PTPRG: variants seen among roughly 807,000 people sequenced by gnomAD.
The protein encoded by PTPRG is receptor-type tyrosine-protein phosphatase gamma.
Under a neutral mutation model 165.3 loss-of-function variants are expected in PTPRG, and 102 were observed. That is an observed-to-expected ratio of 0.62 (90% CI 0.53 to 0.73). The LOEUF is 0.73. Among genes scored for constraint, PTPRG ranks in the 30% least tolerant of loss-of-function variants. The probability of loss-of-function intolerance (pLI) is 0.00; values close to 1 mark genes in which losing one functional copy is unlikely to be tolerated. For missense variants in PTPRG, 1,866 were observed against 1,861.4 expected (o/e 1.00, Z -0.05); for synonymous variants, 675 against 669.5 (o/e 1.01, Z -0.13).
intron 5 of PTPRG, among the ~76,000 whole-genome samples, chr3:62,114,167 C>T (rs997072078): frequency 6.6e-6 from 1 of 152,136 alleles, no homozygotes; most frequent in Non-Finnish European, 1.5e-5. Flanking sequence ...GACATGGTGG[C>T]ACCTGCCTGT....
At chr3:61,717,193 G>T (rs2031846142) in intron 1 of PTPRG, among the ~76,000 whole-genome samples, 1 of 152,006 alleles carries the variant, frequency 6.6e-6, no homozygotes, top group South Asian at 2.1e-4. Context: ...TGCCTTGTGT[G>T]GTTAGTCTCT....
chr3:62,145,472 A>T (rs928617367), intron 6 of PTPRG, among the ~76,000 whole-genome samples: 7 of 152,198 alleles, frequency 4.6e-5, no homozygotes, highest in African/African-American at 1.7e-4. Context: ...ATCACTGCCC[A>T]TGTAGTAAAA....
At chr3:62,198,745 A>G (rs1700028409) in intron 10 of PTPRG, among the ~76,000 whole-genome samples, 1 of 152,264 alleles carries the variant, frequency 6.6e-6, no homozygotes, top group Admixed American at 6.5e-5. Context: ...AGTGACGAAC[A>G]TCAATGATAT....
chr3:62,070,137 C>G (rs1417129983), intron 4 of PTPRG, among the ~76,000 whole-genome samples: 2 of 152,032 alleles, frequency 1.3e-5, no homozygotes, highest in Non-Finnish European at 2.9e-5. Context: ...AATAGATCTT[C>G]TTTTGTTGAA....
At chr3:62,253,952 A>T (rs1011830721) in intron 15 of PTPRG, among the ~76,000 whole-genome samples, 2 of 152,238 alleles carry the variant, frequency 1.3e-5, no homozygotes, top group East Asian at 3.8e-4. Context: ...AGTATAAGAG[A>T]TGCTATTTTC....
intron 16 of PTPRG, among the ~76,000 whole-genome samples, chr3:62,260,366 C>G (rs1448645209): frequency 6.6e-6 from 1 of 152,156 alleles, no homozygotes; most frequent in Non-Finnish European, 1.5e-5. Flanking sequence ...GACAGTAGGT[C>G]TTTAAGTGCT....
intron 3 of PTPRG, among the ~76,000 whole-genome samples, chr3:61,999,021 G>C (rs2041107593): frequency 6.6e-6 from 1 of 152,248 alleles, no homozygotes; most frequent in African/African-American, 2.4e-5. Context: ...TTCCATGGTG[G>C]AAGGGAAGGC....
At chr3:62,028,913 TACTC>T (rs1222680154) in intron 4 of PTPRG, among the ~76,000 whole-genome samples, 2 of 152,214 alleles carry the variant, frequency 1.3e-5, no homozygotes. Context: ...TATGAGTTGA[TACTC>T]ACTGAGAGTC....
chr3:61,582,260 C>T (rs554743603), intron 1 of PTPRG, among the ~76,000 whole-genome samples: 1 of 152,152 alleles, frequency 6.6e-6, no homozygotes, highest in African/African-American at 2.4e-5. Flanking sequence ...TGAGCCACTG[C>T]ACCTGGCCCT....
chr3:62,080,504 T>G (rs980081596), intron 5 of PTPRG, among the ~76,000 whole-genome samples: 2 of 152,272 alleles, frequency 1.3e-5, no homozygotes, highest in Middle Eastern at 3.4e-3. Flanking sequence ...AGCATGCTGC[T>G]TTTCATGCAG....
chr3:61,606,525 A>T (rs930855746), intron 1 of PTPRG, among the ~76,000 whole-genome samples: 3 of 152,270 alleles, frequency 2.0e-5, no homozygotes, highest in African/African-American at 4.8e-5. Flanking sequence ...ATTTCTAAGG[A>T]GAGAAGTTCT....
At chr3:62,058,782 T>G (rs1165987346) in intron 4 of PTPRG, among the ~76,000 whole-genome samples, 1 of 152,174 alleles carries the variant, frequency 6.6e-6, no homozygotes, top group Admixed American at 6.5e-5. Flanking sequence ...AGGCAGTTGT[T>G]GAGTCAAACT....
intron 2 of PTPRG, among the ~76,000 whole-genome samples, chr3:61,965,873 T>G (rs1391974945): frequency 1.3e-5 from 2 of 152,246 alleles, no homozygotes; most frequent in East Asian, 3.8e-4. Flanking sequence ...GTGGTCTGGT[T>G]CTAGGATTCA....
In PTPRG at chr3:62,275,795, G is replaced by T. The variant is rs930995863; in HGVS notation, c.3466-78G>T. On this transcript the variant is annotated intron_variant, in intron 23 of 29. Coordinates refer to ENST00000474889, the MANE Select transcript of PTPRG (RefSeq NM_002841.4). ...GGTCTTGTTTATCAGTAATCTGATT[G>T]GGATTTTTGCCAAAGCATCAAGCAA... is the stretch of plus-strand genomic sequence containing the variant. 7.8e-6 allele frequency: 8 copies of T among 1,026,470 alleles called. No individual in the cohort carries two copies. In the African/African-American group the frequency reaches 8.0e-5, roughly 10 times the overall value. 63.6% of individuals were successfully genotyped at this position (1,026,470 alleles called of 1,614,324 possible). A position where few individuals can be genotyped will look rare whatever the true frequency, so the allele number is the denominator to read the frequency against.
intron 28 of PTPRG, among the ~76,000 whole-genome samples, chr3:62,284,386 A>G (rs1017984214): frequency 2.6e-5 from 4 of 152,042 alleles, no homozygotes; most frequent in African/African-American, 9.7e-5. Context: ...TACAGGCCTC[A>G]TTCTTAGGCC....
intron 28 of PTPRG, among the ~76,000 whole-genome samples, chr3:62,289,416 G>A (rs985715854): frequency 6.6e-6 from 1 of 152,188 alleles, no homozygotes; most frequent in African/African-American, 2.4e-5. Context: ...TTAATGCAAT[G>A]TTGATTTAAA....
At chr3:62,231,980 G>C (rs897882659) in intron 14 of PTPRG, among the ~76,000 whole-genome samples, 2 of 152,092 alleles carry the variant, frequency 1.3e-5, no homozygotes, top group Non-Finnish European at 2.9e-5. Context: ...TTTCTGTAAG[G>C]CCTGTCTTAG....
At chr3:62,287,410 T>A (rs1049008586) in intron 28 of PTPRG, among the ~76,000 whole-genome samples, 6 of 152,032 alleles carry the variant, frequency 3.9e-5, no homozygotes, top group African/African-American at 1.4e-4. Context: ...TTAAAATATA[T>A]CCTCAGAGAT....
chr3:61,961,731 G>A (rs144209653), intron 2 of PTPRG, among the ~76,000 whole-genome samples: 212 of 152,280 alleles, frequency 1.4e-3, no homozygotes, highest in African/African-American at 4.9e-3. Context: ...CTTTAGACCT[G>A]TCATTCTCAA....
Sources: allele counts gnomAD v4.1 joint callset (sites outside exome capture counted in the v4.1 genomes callset), GRCh38; gene constraint gnomAD v4.1.1; transcripts MANE v1.5; gene names NCBI Gene and HGNC (gene_info 2026-07-23, HGNC 2026-07-21).